DNAH10: variants seen among roughly 807,000 people sequenced by gnomAD.
DNAH10 encodes the protein dynein axonemal heavy chain 10.
A neutral mutation model predicts 506.6 loss-of-function variants in DNAH10; 348 were observed. The ratio of observed to expected loss-of-function variants is 0.69; its 90% confidence interval spans 0.63 to 0.75. The LOEUF is 0.75. Ranked by LOEUF, DNAH10 falls within the 30% of genes least tolerant of loss-of-function variation. The probability of loss-of-function intolerance (pLI) is 0.00; values close to 1 mark genes in which losing one functional copy is unlikely to be tolerated. For synonymous variants in DNAH10, 2,059 were observed against 2,198.6 expected, an observed-to-expected ratio of 0.94 and a Z score of 1.78; for missense variants, 5,179 against 5,787.1, an observed-to-expected ratio of 0.89 and a Z score of 3.41.
intron 55 of DNAH10, 45 bp downstream of exon 55, chr12:123,898,012 A>C (rs760990784): frequency 3.9e-5 from 59 of 1,496,228 alleles, no homozygotes; most frequent in Non-Finnish European, 4.4e-5. Flanking sequence ...ATTATTATTT[A>C]TGGGTAAGGA....
At position 123,928,506 on chromosome 12, in the gene DNAH10, G is replaced by A; in HGVS notation, c.12225G>A (p.Lys4075=). ...AGAAGTCCCTGGAGAGGATCACCAA[G>A]CCCCACCCAGACTTCCGCCTGTGGC... ...DLEKSLERIT[K]PHPDFRLWLT... The change falls in exon 70 of 79, where the codon AAG becomes AAA. Residue 4075 remains lysine (K), a synonymous_variant. Transcript: ENST00000673944. This position sits in a 1 kb window ranked among gnomAD's most constrained non-coding sequence, Gnocchi z 4.9. 1 of 1,611,492 alleles carries A rather than the reference G, an allele frequency of 6.2e-7. No individual in the cohort carries two copies. The highest frequency in any genetic ancestry group is 1.3e-5 in the African/African-American group (1 of 74,994).
At chr12:123,803,533 C>A in intron 16 of DNAH10, 128 bp from the exon 17 acceptor site, 1 of 930,536 alleles carries the variant, frequency 1.1e-6, no homozygotes, top group Non-Finnish European at 1.5e-6. Flanking sequence ...CCCAAAGACC[C>A]AAGGGGTTGG....
chr12:123,773,069 A>G (rs536188845), intron 4 of DNAH10, 127 bp downstream of exon 4: 28 of 656,426 alleles, frequency 4.3e-5, no homozygotes, highest in South Asian at 3.2e-4. Context: ...TTTCTTTTCC[A>G]TACTGTACTG....
At chr12:123,864,099 T>C (rs913759140) in intron 39 of DNAH10, among the ~76,000 whole-genome samples, 1 of 151,976 alleles carries the variant, frequency 6.6e-6, no homozygotes, top group Non-Finnish European at 1.5e-5. Context: ...TTGTGTGAAG[T>C]TCCCTCATTC....
At chr12:123,820,937 C>A (rs1240557754) in intron 24 of DNAH10, among the ~76,000 whole-genome samples, 179 bp downstream of exon 24, 2 of 152,112 alleles carry the variant, frequency 1.3e-5, no homozygotes, top group African/African-American at 4.8e-5. Flanking sequence ...ACAGGGTTTC[C>A]ATTTGGGGTG....
At chr12:123,802,552 C>T (rs1175743950) in intron 16 of DNAH10, among the ~76,000 whole-genome samples, 2 of 152,130 alleles carry the variant, frequency 1.3e-5, no homozygotes, top group African/African-American at 2.4e-5. Context: ...GTGATCCATC[C>T]GCCTTGGCCT....
chr12:123,934,836 G>A, intron 78 of DNAH10, 70 bp downstream of exon 78: 1 of 1,586,210 alleles, frequency 6.3e-7, no homozygotes, highest in Admixed American at 1.8e-5. Context: ...TGGCTGAGGT[G>A]GTTTCCAACA....
At chr12:123,898,407 T>C (rs1346780467) in intron 55 of DNAH10, among the ~76,000 whole-genome samples, 5 of 152,198 alleles carry the variant, frequency 3.3e-5, no homozygotes, top group Admixed American at 6.5e-5. Flanking sequence ...TGCAGCAGCA[T>C]GCACTGCCGG....
At chr12:123,845,113 C>A (rs78897861) in intron 30 of DNAH10, among the ~76,000 whole-genome samples, 2 of 152,114 alleles carry the variant, frequency 1.3e-5, no homozygotes, top group Non-Finnish European at 2.9e-5. Flanking sequence ...TGGGCTCCAG[C>A]GCCCCTGGAG....
chr12:123,899,724 C>T (rs1047217291), intron 56 of DNAH10, among the ~76,000 whole-genome samples: 3 of 152,226 alleles, frequency 2.0e-5, no homozygotes, highest in Admixed American at 6.5e-5. Context: ...ATTCATTGCA[C>T]AGCAGCGCCG....
chr12:123,816,998 A>T (rs1456080138), intron 21 of DNAH10, among the ~76,000 whole-genome samples: 4 of 150,082 alleles, frequency 2.7e-5, no homozygotes, highest in East Asian at 2.0e-4. Context: ...TATCCCTTCT[A>T]TGTGTGGATA....
intron 70 of DNAH10, 107 bp from the exon 71 acceptor site, chr12:123,929,168 G>C: frequency 8.5e-7 from 1 of 1,183,300 alleles, no homozygotes; most frequent in Non-Finnish European, 1.2e-6. Context: ...GTCTCAGACA[G>C]ATGGCTCCGT....
In DNAH10 at chr12:123,793,930, A is replaced by G; in HGVS notation, c.1816-12A>G. On this transcript the variant is annotated splice_polypyrimidine_tract_variant and intron_variant, in intron 11 of 78. Coordinates refer to ENST00000673944, the MANE Select transcript of DNAH10 (RefSeq NM_001372106.1). ...CAGGGGCATGAGGGTTGTTTTGTTG[A>G]TTTTTTTGCAGGTTATTGAGAAAGA... 1 of 1,195,102 alleles carries G rather than the reference A, an allele frequency of 8.4e-7. No homozygotes were observed. The highest frequency in any genetic ancestry group is 1.1e-6 in the Non-Finnish European group (1 of 934,248). The allele number at this position is 1,195,102 out of a possible 1,614,324, so 74.0% of individuals were successfully genotyped here.
chr12:123,934,525 G>A (rs1215162884), intron 77 of DNAH10, 96 bp from the exon 78 acceptor site: 6 of 1,487,102 alleles, frequency 4.0e-6, no homozygotes, highest in Non-Finnish European at 5.5e-6. Flanking sequence ...AGGCCAGCCA[G>A]TGGCCTGTGT....
intron 17 of DNAH10, 26 bp from the exon 18 acceptor site, chr12:123,804,807 G>A (rs1274883060): frequency 3.1e-6 from 5 of 1,601,930 alleles, no homozygotes; most frequent in African/African-American, 1.3e-5. Context: ...TTCGTGGACA[G>A]CTCTAACAGA....
chr12:123,931,490 G>A lies in DNAH10; in HGVS notation c.12916+18G>A. On this transcript the variant is annotated intron_variant, in intron 74 of 78. Transcript: ENST00000673944. ...TCAGACAGGTAAACTCTACTCAGGA[G>A]GACTTCATTAGTTTGATTGGGGTTT... 1 of 1,612,128 alleles carries A rather than the reference G, an allele frequency of 6.2e-7. No individual in the cohort carries two copies. The highest frequency in any genetic ancestry group is 1.1e-5 in the South Asian group (1 of 90,806).
rs1957260123 is a variant in DNAH10, at chr12:123,771,718, C to T, written c.396+20C>T. 1 of 1,589,406 alleles carries T rather than the reference C, an allele frequency of 6.3e-7. No individual in the cohort carries two copies. Among genetic ancestry groups the T allele is most frequent in the Admixed American group, 1.8e-5 (1 of 57,080 alleles). ...TCCAAAGTAAGCATGGCTCTTTGTC[C>T]TTGTTGGTGGGGTAATGGGGACCCT... On this transcript the variant is annotated intron_variant, in intron 3 of 78. Transcript: ENST00000673944.
chr12:123,819,070 C>T lies in DNAH10; in HGVS notation c.3897+4C>T, dbSNP rs1022763254. 6 of 1,598,600 alleles carry T rather than the reference C, an allele frequency of 3.8e-6. No individual in the cohort carries two copies. In the African/African-American group the frequency reaches 4.0e-5, roughly 11 times the overall value. On this transcript the variant is annotated splice_donor_region_variant and intron_variant, in intron 22 of 78. Transcript: ENST00000673944. ...CATAAAGAGAACTTTCACAGAGGTACCTTTTAAATTTCACTTCCTGAGTAA... is the reference window on the plus strand; with the variant it reads ...CATAAAGAGAACTTTCACAGAGGTATCTTTTAAATTTCACTTCCTGAGTAA...
intron 40 of DNAH10, 143 bp downstream of exon 40, chr12:123,864,873 T>C: frequency 3.8e-6 from 4 of 1,053,358 alleles, no homozygotes; most frequent in Non-Finnish European, 5.3e-6. Flanking sequence ...AACTCTTTGT[T>C]CTTTACTCCT....
Sources: gnomAD v4.1 joint callset for allele counts (sites outside exome capture counted in the v4.1 genomes callset) on GRCh38, gnomAD v4.1.1 for gene constraint, Gnocchi (gnomAD v3.1) non-coding constraint, MANE v1.5 for transcripts, NCBI Gene and HGNC (gene_info 2026-07-23, HGNC 2026-07-21) for gene names.